The following ARHGEF7 variants were observed in gnomAD, a reference collection of about 807,000 sequenced individuals.
The protein encoded by ARHGEF7 is Rho guanine nucleotide exchange factor 7, also known as PAK-interacting exchange factor beta.
A neutral mutation model predicts 109.8 loss-of-function variants in ARHGEF7; 33 were observed. The ratio of observed to expected loss-of-function variants is 0.30; its 90% CI spans 0.23 to 0.40. The LOEUF (loss-of-function observed/expected upper bound fraction) is 0.40, where lower values mean the gene tolerates loss of function less well. Ranked by LOEUF, ARHGEF7 falls within the 10% of genes least tolerant of loss-of-function variation. ARHGEF7 has a pLI of 1.00. For synonymous variants in ARHGEF7, 458 were observed against 424.6 expected, an observed-to-expected ratio of 1.08 and a Z score of -0.97; for missense variants, 938 against 1,098.5, an observed-to-expected ratio of 0.85 and a Z score of 2.07.
intron 1 of ARHGEF7, among the ~76,000 whole-genome samples, chr13:111,123,440 C>T (rs1306109386): frequency 2.6e-5 from 4 of 152,140 alleles, no homozygotes; most frequent in Admixed American, 2.0e-4. Flanking sequence ...CAGGCTGACT[C>T]AAGCCAGCCA....
intron 2 of ARHGEF7, among the ~76,000 whole-genome samples, chr13:111,181,948 T>C (rs549812396): frequency 3.9e-5 from 6 of 152,274 alleles, no homozygotes; most frequent in Non-Finnish European, 7.4e-5. Flanking sequence ...CAAAGCGTTG[T>C]GGATTTGGTG....
chr13:111,235,260 G>GC (rs1469390774), intron 6 of ARHGEF7, among the ~76,000 whole-genome samples: 1 of 152,162 alleles, frequency 6.6e-6, no homozygotes, highest in African/African-American at 2.4e-5. Context: ...CATTAATCTT[G>GC]CTTTCATTAG....
chr13:111,224,475 T>C (rs986003189), intron 5 of ARHGEF7, among the ~76,000 whole-genome samples: 9 of 152,238 alleles, frequency 5.9e-5, no homozygotes, highest in African/African-American at 2.2e-4. Flanking sequence ...CTGACTTTAG[T>C]CATTCTCCTA....
intron 2 of ARHGEF7, among the ~76,000 whole-genome samples, chr13:111,170,397 G>A (rs955925999): frequency 6.6e-6 from 1 of 152,188 alleles, no homozygotes; most frequent in East Asian, 1.9e-4. Flanking sequence ...CGTGCCTGGC[G>A]CAGTTAGTCA....
At chr13:111,158,538 CTG>C (rs890840920) in intron 2 of ARHGEF7, among the ~76,000 whole-genome samples, 2 of 152,292 alleles carry the variant, frequency 1.3e-5, no homozygotes, top group East Asian at 1.9e-4. Context: ...ATTTATTTAA[CTG>C]TTTTTCTGGA....
At chr13:111,241,850 A>G (rs776266143) in intron 6 of ARHGEF7, among the ~76,000 whole-genome samples, 2 of 152,328 alleles carry the variant, frequency 1.3e-5, no homozygotes, top group South Asian at 2.1e-4. Context: ...CATATTTCCT[A>G]TCTTTAACAT....
chr13:111,138,236 T>G (rs781088741), intron 1 of ARHGEF7, among the ~76,000 whole-genome samples: 13 of 151,834 alleles, frequency 8.6e-5, no homozygotes, highest in Non-Finnish European at 1.3e-4. Flanking sequence ...TCGCTTGAAC[T>G]CGGGAGGCAG....
chr13:111,147,871 G>A (rs893808563), intron 1 of ARHGEF7, among the ~76,000 whole-genome samples: 10 of 151,598 alleles, frequency 6.6e-5, no homozygotes, highest in African/African-American at 2.4e-4. Context: ...CTAATTTTTT[G>A]TATTTTTAGT....
intron 2 of ARHGEF7, among the ~76,000 whole-genome samples, chr13:111,178,077 A>C (rs2078344296): frequency 6.6e-6 from 1 of 152,178 alleles, no homozygotes; most frequent in Non-Finnish European, 1.5e-5. Flanking sequence ...GAGGCTAGTA[A>C]AGCAGGGTTC....
At chr13:111,138,539 A>G (rs1032629976) in intron 1 of ARHGEF7, among the ~76,000 whole-genome samples, 2 of 152,150 alleles carry the variant, frequency 1.3e-5, no homozygotes, top group Non-Finnish European at 2.9e-5. Context: ...GAAGCAGTTC[A>G]TGTTGTGGAG....
chr13:111,158,291 A>G (rs2076494054), intron 2 of ARHGEF7, among the ~76,000 whole-genome samples: 1 of 152,214 alleles, frequency 6.6e-6, no homozygotes, highest in Non-Finnish European at 1.5e-5. Flanking sequence ...CTTGAAAGGA[A>G]AACAAAACAT....
intron 1 of ARHGEF7, chr13:111,153,625 G>T: frequency 8.6e-7 from 1 of 1,168,474 alleles, no homozygotes. Context: ...GCGGGCCGGC[G>T]GGGGCGCGGT....
intron 1 of ARHGEF7, among the ~76,000 whole-genome samples, chr13:111,137,438 C>T (rs927223646): frequency 2.0e-5 from 3 of 152,206 alleles, no homozygotes; most frequent in Admixed American, 6.5e-5. Flanking sequence ...GCGTCTTTTC[C>T]GTGCGTGGCA....
At chr13:111,227,195 T>C (rs1318497363) in intron 5 of ARHGEF7, among the ~76,000 whole-genome samples, 2 of 152,240 alleles carry the variant, frequency 1.3e-5, no homozygotes, top group African/African-American at 4.8e-5. Flanking sequence ...AGATTTAGAC[T>C]GTTGCAAAAA....
intron 19 of ARHGEF7, 118 bp downstream of exon 19, chr13:111,292,412 C>G: frequency 4.0e-6 from 6 of 1,513,462 alleles, no homozygotes; most frequent in Non-Finnish European, 5.3e-6. Flanking sequence ...TGTTCCTTGT[C>G]TCTTTTATGT....
At position 111,251,417 on chromosome 13, in the gene ARHGEF7, G is replaced by A. The variant is rs1050764262; in HGVS notation, c.950+7123G>A. Among the ~76,000 whole-genome samples the A allele has an allele frequency of 5.9e-5, 9 of 152,112 alleles. No individual in the cohort carries two copies. In the South Asian group the frequency reaches 1.2e-3, roughly 21 times the overall value. ...TCTTAGGTGACTGTCAAGAGTAGTT[G>A]GAAGCCGCTGATGGATTTGAAGCTT... On this transcript the variant is annotated intron_variant, in intron 8 of 21. Transcript: ENST00000646102.
intron 1 of ARHGEF7, among the ~76,000 whole-genome samples, chr13:111,130,744 G>A (rs1418717345): frequency 1.3e-5 from 2 of 152,226 alleles, no homozygotes; most frequent in Admixed American, 6.5e-5. Flanking sequence ...TTCCAAACAC[G>A]CAGCAGAAGA....
intron 9 of ARHGEF7, among the ~76,000 whole-genome samples, chr13:111,270,884 A>G (rs528467664): frequency 8.6e-4 from 131 of 152,308 alleles, no homozygotes; most frequent in African/African-American, 2.8e-3. Context: ...CACTCTATTC[A>G]TGCTTTAGGA....
intron 6 of ARHGEF7, among the ~76,000 whole-genome samples, chr13:111,234,562 C>T (rs1337641831): frequency 1.3e-5 from 2 of 152,140 alleles, no homozygotes; most frequent in African/African-American, 4.8e-5. Context: ...TTTACTGCTT[C>T]TTTTTCATAA....
Sources: gnomAD v4.1 joint callset for allele counts (sites outside exome capture counted in the v4.1 genomes callset) on GRCh38, gnomAD v4.1.1 for gene constraint, MANE v1.5 for transcripts, NCBI Gene and HGNC (gene_info 2026-07-23, HGNC 2026-07-21) for gene names.